Variants in WDR48 observed in about 807,000 individuals in gnomAD.
WDR48 encodes WD repeat domain 48, also known as WD repeat-containing protein 48.
WDR48 carries 22 observed loss-of-function variants against 94.0 expected under a neutral mutation model. The observed-to-expected ratio is 0.23, with a 90% CI of 0.17 to 0.33. The LOEUF (loss-of-function observed/expected upper bound fraction) is 0.33. Ranked by LOEUF, WDR48 falls within the 10% of genes least tolerant of loss-of-function variation. WDR48 has a pLI of 1.00. For synonymous variants in WDR48, 278 were observed against 280.5 expected, an observed-to-expected ratio of 0.99 and a Z score of 0.09; for missense variants, 541 against 813.8, an observed-to-expected ratio of 0.66 and a Z score of 4.08.
chr3:39,094,557 G>C (rs759139798), intron 18 of WDR48, 91 bp from the exon 19 acceptor site: 3 of 1,565,862 alleles, frequency 1.9e-6, no homozygotes, highest in Non-Finnish European at 1.7e-6. Context: ...GAGTGAGCAA[G>C]CTGGATCACC....
chr3:39,092,671 G>A (rs1038859361), intron 17 of WDR48, among the ~76,000 whole-genome samples: 1 of 151,772 alleles, frequency 6.6e-6, no homozygotes, highest in African/African-American at 2.4e-5. Context: ...TGTAGTAATG[G>A]GATGCTAAAC....
Position 39,062,980 on chromosome 3 carries a change from AC to A in WDR48, c.49-69del. The A allele has an allele frequency of 1.9e-6, 3 of 1,550,936 alleles. No individual in the cohort carries two copies. In the South Asian group the frequency reaches 3.7e-5, roughly 19 times the overall value. Reference sequence around the variant, plus strand: ...TGGGATTTTCTGTTTCAGATTGGCCACTAGTAGACTATATTTTATTACTGCA... The same window carrying A: ...TGGGATTTTCTGTTTCAGATTGGCCATAGTAGACTATATTTTATTACTGCA... On this transcript the variant is annotated intron_variant, in intron 1 of 18. Coordinates refer to ENST00000302313, the MANE Select transcript of WDR48 (RefSeq NM_020839.4).
At chr3:39,085,814 T>TA (rs1440875547) in intron 14 of WDR48, among the ~76,000 whole-genome samples, 1 of 151,870 alleles carries the variant, frequency 6.6e-6, no homozygotes, top group Non-Finnish European at 1.5e-5. Context: ...CACCTTATGA[T>TA]ATGGCTTTTA....
At chr3:39,053,833 A>G (rs574141868) in intron 1 of WDR48, among the ~76,000 whole-genome samples, 4 of 152,338 alleles carry the variant, frequency 2.6e-5, no homozygotes, top group Admixed American at 6.5e-5. Context: ...CAGTGTTCCA[A>G]TAGGCTGAAT....
chr3:39,066,717 T>C, intron 4 of WDR48, 29 bp from the exon 5 acceptor site: 1 of 1,613,764 alleles, frequency 6.2e-7, no homozygotes, highest in Non-Finnish European at 8.5e-7. Context: ...ATCTACAGAA[T>C]AGATCATAGT....
chr3:39,078,072 C>T (rs2034319847), intron 9 of WDR48, 65 bp from the exon 10 acceptor site: 1 of 1,277,870 alleles, frequency 7.8e-7, no homozygotes, highest in African/African-American at 1.5e-5. Flanking sequence ...TTTCTTGCCA[C>T]TTTAAACAGG....
intron 12 of WDR48, 146 bp downstream of exon 12, chr3:39,084,408 AAAG>A: frequency 1.6e-6 from 1 of 626,968 alleles, no homozygotes; most frequent in Non-Finnish European, 2.4e-6. Flanking sequence ...ATGGAATAAA[AAAG>A]AAAAAAACAA....
chr3:39,055,139 T>G (rs2032787079), intron 1 of WDR48, among the ~76,000 whole-genome samples: 1 of 152,182 alleles, frequency 6.6e-6, no homozygotes, highest in Non-Finnish European at 1.5e-5. Flanking sequence ...AGCCCTGAGC[T>G]CCTTGTCAAG....
At chr3:39,089,913 T>C (rs759761741) in intron 16 of WDR48, 1 of 152,252 alleles carries the variant, frequency 6.6e-6, no homozygotes, top group African/African-American at 2.4e-5. Context: ...TTAATGGACA[T>C]TTAGGTTGTT....
intron 14 of WDR48, 39 bp downstream of exon 14, chr3:39,085,649 A>G (rs2034773207): frequency 6.5e-7 from 1 of 1,534,960 alleles, no homozygotes; most frequent in Non-Finnish European, 8.9e-7. Flanking sequence ...AAAAAGTTAG[A>G]GGTACTTACT....
chr3:39,056,755 C>T (rs2032916896), intron 1 of WDR48, among the ~76,000 whole-genome samples: 1 of 152,148 alleles, frequency 6.6e-6, no homozygotes, highest in African/African-American at 2.4e-5. Flanking sequence ...AACCCATGTG[C>T]CTTTTCTTAT....
In WDR48 at chr3:39,095,915, T is replaced by C; in HGVS notation, c.*1172T>C. 1 of 152,582 alleles carries C rather than the reference T, an allele frequency of 6.6e-6. No individual in the cohort carries two copies. Among genetic ancestry groups the C allele is most frequent in the Non-Finnish European group, 1.5e-5 (1 of 68,022 alleles). 9.5% of individuals were successfully genotyped at this position (152,582 alleles called of 1,614,324 possible). On this transcript the variant is annotated 3_prime_UTR_variant, in exon 19 of 19. Transcript: ENST00000302313. ...AGAGTAAATCAGTGGTCCACCCCCA[T>C]AAAACTGTAAGACAAGCCTCCTGTA... is the stretch of plus-strand genomic sequence containing the variant.
rs771758593 is a variant in WDR48, at chr3:39,077,126, G to C, written c.898-13G>C. The C allele has an allele frequency of 7.7e-5, 125 of 1,613,902 alleles. No homozygotes were observed. Among genetic ancestry groups the C allele is most frequent in the Admixed American group, 2.5e-4 (15 of 59,964 alleles). ...ACATTCCACAAAGCAATATTTTTGT[G>C]CTTTGTTTTCAGATGGAGCTTGATA... On this transcript the variant is annotated splice_polypyrimidine_tract_variant and intron_variant, in intron 8 of 18. Coordinates refer to ENST00000302313, the MANE Select transcript of WDR48 (RefSeq NM_020839.4).
Position 39,079,754 on chromosome 3 carries a change from A to G in WDR48, c.1119A>G (p.Arg373=). Residue 373 remains arginine (R), a synonymous_variant, in exon 11 of 19, where the codon AGA becomes AGG. Transcript: ENST00000302313. ...AGTGCCACATTCTTAATGATAAGAG[A>G]CATATATTAACCAAAGATACCAATA... ...IIQCHILNDK[R]HILTKDTNNN... is the part of the protein sequence containing the mutation. 1 of 1,558,762 alleles carries G rather than the reference A, an allele frequency of 6.4e-7. No individual in the cohort carries two copies. Among genetic ancestry groups the G allele is most frequent in the Non-Finnish European group, 8.6e-7 (1 of 1,160,734 alleles).
At chr3:39,082,993 G>A (rs1341796903) in intron 11 of WDR48, among the ~76,000 whole-genome samples, 10 of 152,156 alleles carry the variant, frequency 6.6e-5, no homozygotes, top group East Asian at 3.8e-4. Context: ...AAAAAGTTGC[G>A]GGGGAGTAAG....
At chr3:39,089,158 G>A (rs1022210869) in intron 15 of WDR48, 73 bp from the exon 16 acceptor site, 11 of 1,368,182 alleles carry the variant, frequency 8.0e-6, no homozygotes, top group Non-Finnish European at 1.1e-5. Context: ...GGTTCCTCCC[G>A]CTAATATTTG....
chr3:39,088,365 C>T, intron 15 of WDR48, 132 bp downstream of exon 15: 1 of 827,916 alleles, frequency 1.2e-6, no homozygotes, highest in South Asian at 1.8e-5. Flanking sequence ...GGATTGGAAG[C>T]ATCCCATGTC....
intron 12 of WDR48, 133 bp from the exon 13 acceptor site, chr3:39,084,512 C>A: frequency 2.8e-6 from 2 of 711,444 alleles, no homozygotes; most frequent in Non-Finnish European, 4.3e-6. Context: ...TGCATTGAAT[C>A]ACACAAAACA....
intron 1 of WDR48, among the ~76,000 whole-genome samples, chr3:39,054,496 T>G (rs910239605): frequency 3.9e-5 from 6 of 152,236 alleles, no homozygotes; most frequent in African/African-American, 1.4e-4. Flanking sequence ...CTCTTGCTGT[T>G]TGTGTACCTG....
Sources: allele counts gnomAD v4.1 joint callset (sites outside exome capture counted in the v4.1 genomes callset), GRCh38; gene constraint gnomAD v4.1.1; transcripts MANE v1.5; gene names NCBI Gene and HGNC (gene_info 2026-07-23, HGNC 2026-07-21).